KMT2C: variants seen among roughly 807,000 people sequenced by gnomAD.
The protein encoded by KMT2C is lysine methyltransferase 2C, also known as histone-lysine N-methyltransferase 2C.
Under a neutral mutation model 507.9 loss-of-function variants are expected in KMT2C, and 88 were observed. The ratio of observed to expected loss-of-function variants is 0.17; its 90% CI spans 0.15 to 0.21. KMT2C has a LOEUF of 0.21. Among genes scored for constraint, KMT2C ranks in the 10% least tolerant of loss-of-function variants. The probability of loss-of-function intolerance (pLI) is 1.00; values close to 1 mark genes in which losing one functional copy is unlikely to be tolerated. For missense variants in KMT2C, 4,954 were observed against 5,957.8 expected, an observed-to-expected ratio of 0.83 and a Z score of 5.55; for synonymous variants, 2,049 against 2,080.8, an observed-to-expected ratio of 0.98 and a Z score of 0.42.
rs1375080371 is a variant in KMT2C, at chr7:152,195,898, C to A, written c.4378+9G>T. The A allele has an allele frequency of 2.1e-6, 3 of 1,459,804 alleles. No homozygotes were observed. Among genetic ancestry groups the A allele is most frequent in the South Asian group, 1.2e-5 (1 of 85,592 alleles). 90.4% of individuals were successfully genotyped at this position (1,459,804 alleles called of 1,614,324 possible). ...AACCAGAAAAAGGGTAAACAGTATT[C>A]ATATATACCTGAATGATCAACTGAT... On this transcript the variant is annotated intron_variant, in intron 28 of 58. Transcript: ENST00000262189.
chr7:152,393,060 G>A (rs1411236275), intron 1 of KMT2C, among the ~76,000 whole-genome samples: 5 of 152,098 alleles, frequency 3.3e-5, no homozygotes, highest in Non-Finnish European at 5.9e-5. Flanking sequence ...CTGCATCACT[G>A]CACTCCAGCC....
In KMT2C at chr7:152,162,757, G is replaced by T. The variant is rs2129104003; in HGVS notation, c.10820C>A (p.Thr3607Lys). ...IPEEKGKKKR[T>K]RKKKRDDDAE... ...ATCATCATCTCTTTTCTTCTTTCTTGTTCTTTTCTTTTTCCCTTTTTCCTC... is the reference window on the plus strand; with the variant it reads ...ATCATCATCTCTTTTCTTCTTTCTTTTTCTTTTCTTTTTCCCTTTTTCCTC... The change falls in exon 43 of 59, where the codon ACA (threonine) becomes AAA (lysine). Residue 3607 changes from threonine (T) to lysine (K), a missense_variant. By Grantham distance (78) the Thr-to-Lys change is moderately conservative. Coordinates refer to ENST00000262189, the MANE Select transcript of KMT2C (RefSeq NM_170606.3). 6.2e-7 allele frequency: 1 copy of T among 1,614,120 alleles called. No individual in the cohort carries two copies. Among genetic ancestry groups the T allele is most frequent in the Non-Finnish European group, 8.5e-7 (1 of 1,180,008 alleles).
chr7:152,239,320 A>C (rs2095341375), intron 14 of KMT2C, among the ~76,000 whole-genome samples: 1 of 152,202 alleles, frequency 6.6e-6, no homozygotes, highest in African/African-American at 2.4e-5. Context: ...GAGAAACATA[A>C]GCAATCGATA....
In KMT2C at chr7:152,152,910, G is replaced by C. The variant is rs2129097709; in HGVS notation, c.12321C>G (p.Val4107=). 1.2e-6 allele frequency: 2 copies of C among 1,614,176 alleles called. No homozygotes were observed. Among genetic ancestry groups the C allele is most frequent in the Non-Finnish European group, 1.7e-6 (2 of 1,180,028 alleles). ...VVAAFSDLLH[V]RIPNSYEVSS... ...TAACCTCATAGCTGTTAGGGATTCG[G>C]ACGTGAAGAAGGTCGGAAAATGCAG... is the stretch of plus-strand genomic sequence containing the variant. The change falls in exon 49 of 59, where the codon GTC becomes GTG. Residue 4107 remains valine (V), a synonymous_variant. Transcript: ENST00000262189.
At chr7:152,277,896 G>A (rs2096114542) in intron 6 of KMT2C, among the ~76,000 whole-genome samples, 1 of 152,074 alleles carries the variant, frequency 6.6e-6, no homozygotes, top group South Asian at 2.1e-4. Flanking sequence ...GTAAAAGATA[G>A]CAACTTTCAA....
chr7:152,164,738 T>C (rs561742947), intron 42 of KMT2C, among the ~76,000 whole-genome samples: 3 of 152,362 alleles, frequency 2.0e-5, no homozygotes, highest in Admixed American at 1.3e-4. Flanking sequence ...CGAGGAAGTA[T>C]TTTGAATAGT....
intron 46 of KMT2C, 148 bp from the exon 47 acceptor site, chr7:152,154,593 C>T: frequency 1.7e-6 from 1 of 603,634 alleles, no homozygotes; most frequent in Non-Finnish European, 2.9e-6. Flanking sequence ...AGCTCAGAGC[C>T]ACACTGGGAA....
At chr7:152,325,286 C>T (rs576796883) in intron 3 of KMT2C, among the ~76,000 whole-genome samples, 4 of 151,702 alleles carry the variant, frequency 2.6e-5, no homozygotes, top group South Asian at 4.2e-4. Flanking sequence ...GTAGCTGGGA[C>T]TACAGGTGCC....
At chr7:152,254,044 T>C (rs1563600869) in intron 9 of KMT2C, among the ~76,000 whole-genome samples, 1 of 152,154 alleles carries the variant, frequency 6.6e-6, no homozygotes, top group Non-Finnish European at 1.5e-5. Context: ...GATGCTCACT[T>C]AAAAAGAGAA....
At chr7:152,237,508 T>TGTGCTTGTTGTGG (rs1187749067) in intron 15 of KMT2C, among the ~76,000 whole-genome samples, 3 of 152,194 alleles carry the variant, frequency 2.0e-5, no homozygotes, top group African/African-American at 2.4e-5. Flanking sequence ...TTTTGTTTGT[T>TGTGCTTGTTGTGG]TATTTTTGAG....
intron 28 of KMT2C, among the ~76,000 whole-genome samples, chr7:152,194,781 A>G (rs2093913760): frequency 6.6e-6 from 1 of 151,396 alleles, no homozygotes; most frequent in South Asian, 2.1e-4. Context: ...GTAAAGTTCT[A>G]TTTCAAGTAA....
intron 6 of KMT2C, among the ~76,000 whole-genome samples, chr7:152,290,329 G>C (rs1306742069): frequency 1.4e-5 from 1 of 69,800 alleles, no homozygotes; most frequent in Non-Finnish European, 2.9e-5. Context: ...TTTTTTGTCT[G>C]AGATGGAGTC....
chr7:152,160,672 T>G (rs911474726), intron 43 of KMT2C, among the ~76,000 whole-genome samples: 2 of 148,134 alleles, frequency 1.4e-5, no homozygotes, highest in African/African-American at 2.5e-5. Flanking sequence ...GATGTATATA[T>G]TTATATATAT....
chr7:152,351,986 A>C (rs549445444), intron 2 of KMT2C, among the ~76,000 whole-genome samples: 1 of 152,350 alleles, frequency 6.6e-6, no homozygotes, highest in African/African-American at 2.4e-5. Context: ...GGAACAAGAG[A>C]GACAACCTTG....
chr7:152,172,450 C>G (rs1015520841), intron 39 of KMT2C, among the ~76,000 whole-genome samples: 2 of 152,148 alleles, frequency 1.3e-5, no homozygotes, highest in African/African-American at 4.8e-5. Context: ...AATTGCAGCA[C>G]TTTGGGAGGG....
chr7:152,205,026 A>G, intron 25 of KMT2C, 80 bp downstream of exon 25: 6 of 830,530 alleles, frequency 7.2e-6, no homozygotes, highest in Non-Finnish European at 1.1e-5. Context: ...AACATTATTT[A>G]GGATAGTTTT....
chr7:152,228,080 C>T (rs937522424), intron 18 of KMT2C, among the ~76,000 whole-genome samples: 5 of 152,146 alleles, frequency 3.3e-5, no homozygotes, highest in Admixed American at 6.5e-5. Flanking sequence ...AATTCATTCA[C>T]AATTATACAG....
At chr7:152,318,259 A>G (rs2096739952) in intron 3 of KMT2C, among the ~76,000 whole-genome samples, 1 of 152,182 alleles carries the variant, frequency 6.6e-6, no homozygotes, top group South Asian at 2.1e-4. Flanking sequence ...TTAAAAGGCA[A>G]AAATCACCAA....
At chr7:152,214,049 T>C (rs887715424) in intron 23 of KMT2C, among the ~76,000 whole-genome samples, 3 of 152,170 alleles carry the variant, frequency 2.0e-5, no homozygotes, top group Non-Finnish European at 2.9e-5. Context: ...GAATGACTAT[T>C]ATCAAAAAGG....
Sources: gnomAD v4.1 joint callset for allele counts (sites outside exome capture counted in the v4.1 genomes callset) on GRCh38, gnomAD v4.1.1 for gene constraint, MANE v1.5 for transcripts, NCBI Gene and HGNC (gene_info 2026-07-23, HGNC 2026-07-21) for gene names.